PADI6: variants seen among roughly 807,000 people sequenced by gnomAD.
The protein encoded by PADI6 is inactive protein-arginine deiminase type-6.
In PADI6, 66 loss-of-function variants were observed where a neutral mutation model predicts 78.2. That is an observed-to-expected ratio of 0.84 (90% confidence interval 0.69 to 1.04). PADI6 has a LOEUF of 1.04. PADI6 is among the 50% of genes least tolerant of loss of function. The pLI is 0.00. For missense variants in PADI6, 854 were observed against 866.1 expected (o/e 0.99, Z 0.18); for synonymous variants, 397 against 346.9 (o/e 1.14, Z -1.60).
Position 17,388,151 on chromosome 1 carries a change from G to A in PADI6, c.680-230G>A, listed in dbSNP as rs1259326397. Reference sequence around the variant, plus strand: ...GAGCTCCAACTCCTGGCATGTAATAGGTCTTCAAGGAATACTGGTGAATAA... The same window carrying A: ...GAGCTCCAACTCCTGGCATGTAATAAGTCTTCAAGGAATACTGGTGAATAA... On this transcript the variant is annotated intron_variant, in intron 6 of 15. Transcript: ENST00000619609. 1.3e-4 allele frequency among the ~76,000 whole-genome samples: 20 copies of A among 152,208 alleles called. 1 individual carries two copies. The highest frequency in any genetic ancestry group is 1.2e-3 in the Admixed American group (18 of 15,272).
At chr1:17,386,570 G>A (rs946139517) in intron 6 of PADI6, among the ~76,000 whole-genome samples, 1 of 150,556 alleles carries the variant, frequency 6.6e-6, no homozygotes, top group African/African-American at 2.5e-5. Context: ...GGAAGTTGCA[G>A]GGGTTCCTGG....
chr1:17,387,158 C>T (rs1300592287), intron 6 of PADI6, among the ~76,000 whole-genome samples: 2 of 152,134 alleles, frequency 1.3e-5, no homozygotes, highest in Non-Finnish European at 2.9e-5. Context: ...AATGAATGGA[C>T]TTGGGCTGGG....
chr1:17,394,599 T>C, intron 11 of PADI6, 145 bp downstream of exon 11: 1 of 877,100 alleles, frequency 1.1e-6, no homozygotes. Flanking sequence ...TTGATTCACG[T>C]GGGAGACTAA....
At position 17,401,253 on chromosome 1, in the gene PADI6, G is replaced by A. The variant is rs1343993233; in HGVS notation, c.1900G>A (p.Gly634Arg). 6.2e-7 allele frequency: 1 copy of A among 1,614,044 alleles called. No individual in the cohort carries two copies. The change falls in exon 16 of 16, where the codon GGG becomes AGG. Residue 634 changes from glycine to arginine, a missense_variant. Gly to Arg is a moderately radical substitution (Grantham distance 125). Transcript: ENST00000619609. ...GAACCTGGGGATCCCCAAGCCTTTTGGGCCCCAAATCAAGGGGACCTGCTG... is the reference window on the plus strand; with the variant it reads ...GAACCTGGGGATCCCCAAGCCTTTTAGGCCCCAAATCAAGGGGACCTGCTG... ...GKNLGIPKPFGPQIKGTCCLE... is the reference protein window; with the variant it reads ...GKNLGIPKPFRPQIKGTCCLE...
chr1:17,395,106 AG>A lies in PADI6; in HGVS notation c.1494+1del. 4 of 1,613,628 alleles carry A rather than the reference AG, an allele frequency of 2.5e-6. No homozygotes were observed. The highest frequency in any genetic ancestry group is 2.5e-6 in the Non-Finnish European group (3 of 1,179,674). On this transcript the variant is annotated frameshift_variant and splice_region_variant, in exon 12 of 16. Transcript: ENST00000619609. LOFTEE classifies it high-confidence loss of function. ...ACAGATGACAAGAATGAGGGCAAAA[AG>A]GTCTGCTTTGGGGTCTGGAGAAGGG... is the stretch of plus-strand genomic sequence containing the variant. ...IPTDDKNEGK[K>X]GFLLLLASPS... is the part of the protein sequence containing the mutation.
chr1:17,398,648 T>TCACCCCC, intron 14 of PADI6, 38 bp from the exon 15 acceptor site: 1 of 193,328 alleles, frequency 5.2e-6, no homozygotes, highest in South Asian at 6.3e-5. Context: ...CTCTCCTTGC[T>TCACCCCC]CCCCCGCCCC....
rs2075272349 is a variant in PADI6, at chr1:17,398,719, A to AC, written c.1724dup (p.Glu576GlyfsTer23). 1 of 1,407,992 alleles carries AC rather than the reference A, an allele frequency of 7.1e-7. No individual in the cohort carries two copies. The highest frequency in any genetic ancestry group is 1.6e-5 in the African/African-American group (1 of 61,832). 87.2% of individuals were successfully genotyped at this position (1,407,992 alleles called of 1,614,324 possible). ...TCACCTGAACCGTGACATCCTGAAGACGGAGCTGGGCCTGGTGGAACAGGA... is the reference window on the plus strand; with the variant it reads ...TCACCTGAACCGTGACATCCTGAAGACCGGAGCTGGGCCTGGTGGAACAGGA... On this transcript the variant is annotated frameshift_variant, in exon 15 of 16. Transcript: ENST00000619609. LOFTEE classifies it high-confidence loss of function.
chr1:17,392,086 C>G (rs920499807), intron 8 of PADI6, 28 bp from the exon 9 acceptor site: 26 of 1,545,878 alleles, frequency 1.7e-5, no homozygotes, highest in Non-Finnish European at 2.2e-5. Context: ...CGAAAGCCTT[C>G]CCAGAACTGG....
At chr1:17,381,581 C>A (rs753112655) in intron 5 of PADI6, among the ~76,000 whole-genome samples, 1 of 152,186 alleles carries the variant, frequency 6.6e-6, no homozygotes, top group Admixed American at 6.5e-5. Flanking sequence ...GGGTAAAATT[C>A]GCCTTGGATC....
In PADI6 at chr1:17,388,822, G is replaced by C. The variant is rs1231778902; in HGVS notation, c.904G>C (p.Val302Leu). Residue 302 changes from valine (V) to leucine (L), a missense_variant, in exon 8 of 16, where the codon GTG becomes CTG. Physicochemically the swap from Val to Leu is conservative, Grantham distance 32. Coordinates refer to ENST00000619609, the MANE Select transcript of PADI6 (RefSeq NM_207421.4). ...GTACAAAGACACGGTGGTGTTCCGGGTGGCTCCCTGTGTCTTCATTCCCTG... is the reference window on the plus strand; with the variant it reads ...GTACAAAGACACGGTGGTGTTCCGGCTGGCTCCCTGTGTCTTCATTCCCTG... ...VLYKDTVVFR[V>L]APCVFIPCTQ... is the part of the protein sequence containing the mutation. 1 of 1,613,690 alleles carries C rather than the reference G, an allele frequency of 6.2e-7. No individual in the cohort carries two copies. The highest frequency in any genetic ancestry group is 1.3e-5 in the African/African-American group (1 of 74,910).
At position 17,384,419 on chromosome 1, in the gene PADI6, C is replaced by A. The variant is rs982518521; in HGVS notation, c.679+2327C>A. The stretch of plus-strand genomic sequence containing the variant: ...GACCAGCCTTGGCAACACAGTGAGA[C>A]CTTGACTCTGAGATAAGATTATTTT... On this transcript the variant is annotated intron_variant, in intron 6 of 15. Coordinates refer to ENST00000619609, the MANE Select transcript of PADI6 (RefSeq NM_207421.4). 4.6e-5 allele frequency among the ~76,000 whole-genome samples: 7 copies of A among 152,104 alleles called. No individual in the cohort carries two copies. The East Asian group carries it at 5.8e-4, about 13-fold the overall frequency.
chr1:17,388,812 G>A lies in PADI6; in HGVS notation c.894G>A (p.Val298=). Residue 298 remains valine, a synonymous_variant, in exon 8 of 16, where the codon GTG becomes GTA. Transcript: ENST00000619609. ...AGACTGTGCTGTACAAAGACACGGTGGTGTTCCGGGTGGCTCCCTGTGTCT... is the reference window on the plus strand; with the variant it reads ...AGACTGTGCTGTACAAAGACACGGTAGTGTTCCGGGTGGCTCCCTGTGTCT... ...IPETVLYKDT[V]VFRVAPCVFI... 6.2e-7 allele frequency: 1 copy of A among 1,613,806 alleles called. No homozygotes were observed. Among genetic ancestry groups the A allele is most frequent in the Non-Finnish European group, 8.5e-7 (1 of 1,179,844 alleles).
chr1:17,381,452 T>C (rs1208900975), intron 5 of PADI6, among the ~76,000 whole-genome samples: 1 of 152,230 alleles, frequency 6.6e-6, no homozygotes, highest in African/African-American at 2.4e-5. Flanking sequence ...ATGGGGATGA[T>C]GCAGTTGGCC....
In PADI6 at chr1:17,395,535, C is replaced by T. The variant is rs2075238089; in HGVS notation, c.1495-5C>T. 1 of 1,551,282 alleles carries T rather than the reference C, an allele frequency of 6.4e-7. No individual in the cohort carries two copies. The highest frequency in any genetic ancestry group is 8.7e-7 in the Non-Finnish European group (1 of 1,146,884). ...CTGGCTTCTGACCCAAGTTCTGTTT[C>T]CCAGGGCTTCCTGCTGCTCCTGGCC... is the stretch of plus-strand genomic sequence containing the variant. On this transcript the variant is annotated splice_region_variant and splice_polypyrimidine_tract_variant and intron_variant, in intron 12 of 15. Transcript: ENST00000619609.
intron 6 of PADI6, 41 bp from the exon 7 acceptor site, chr1:17,388,340 G>T (rs1017537731): frequency 6.4e-7 from 1 of 1,551,430 alleles, no homozygotes. Context: ...ACCGGCACCA[G>T]GTTACTTCAG....
At chr1:17,377,146 A>T (rs561196583) in intron 3 of PADI6, among the ~76,000 whole-genome samples, 1 of 147,102 alleles carries the variant, frequency 6.8e-6, no homozygotes, top group Middle Eastern at 3.4e-3. Context: ...AGCTGACTTT[A>T]TTTTTTTATT....
chr1:17,391,101 G>C (rs2075178246), intron 8 of PADI6, among the ~76,000 whole-genome samples: 1 of 152,196 alleles, frequency 6.6e-6, no homozygotes, highest in Non-Finnish European at 1.5e-5. Context: ...TCTATTAGTA[G>C]CAACATGAGC....
chr1:17,376,811 A>G (rs2075022886), intron 3 of PADI6, among the ~76,000 whole-genome samples: 1 of 152,208 alleles, frequency 6.6e-6, no homozygotes, highest in Non-Finnish European at 1.5e-5. Flanking sequence ...GAGTTCTTTT[A>G]GAACTCTAAC....
In PADI6 at chr1:17,383,944, T is replaced by C. The variant is rs372986091; in HGVS notation, c.679+1852T>C. Among the ~76,000 whole-genome samples the C allele has an allele frequency of 4.0e-5, 6 of 151,522 alleles. No individual in the cohort carries two copies. The East Asian group carries it at 7.8e-4, about 20-fold the overall frequency. ...CAGGCGGATCACCTGAGGTCAGGAGTTCGAGACCAGCCCGGCCAACATGGC... is the reference window on the plus strand; with the variant it reads ...CAGGCGGATCACCTGAGGTCAGGAGCTCGAGACCAGCCCGGCCAACATGGC... On this transcript the variant is annotated intron_variant, in intron 6 of 15. Transcript: ENST00000619609.
Sources: gnomAD v4.1 joint callset for allele counts (sites outside exome capture counted in the v4.1 genomes callset) on GRCh38, gnomAD v4.1.1 for gene constraint, MANE v1.5 for transcripts, NCBI Gene and HGNC (gene_info 2026-07-23, HGNC 2026-07-21) for gene names.